The following GALNT17 variants were observed in gnomAD, a reference collection of about 807,000 sequenced individuals.
GALNT17 encodes UDP-GalNAc:polypeptide N-acetylgalactosaminyltransferase-like 3.
GALNT17 carries 29 observed loss-of-function variants against 63.7 expected under a neutral mutation model. That is an observed-to-expected ratio of 0.46 (90% CI 0.34 to 0.62). The LOEUF (loss-of-function observed/expected upper bound fraction) is 0.62. Among genes scored for constraint, GALNT17 ranks in the 20% least tolerant of loss-of-function variants. The pLI is 0.01. For synonymous variants in GALNT17, 305 were observed against 318.3 expected (o/e 0.96, Z 0.45); for missense variants, 603 against 799.6 (o/e 0.75, Z 2.97).
chr7:71,295,132 T>TTCTAA (rs1453529054), intron 1 of GALNT17, among the ~76,000 whole-genome samples: 3 of 152,220 alleles, frequency 2.0e-5, no homozygotes, highest in Non-Finnish European at 4.4e-5. Flanking sequence ...ATGGTAATTC[T>TTCTAA]TCTAAGTTCT....
intron 1 of GALNT17, chr7:71,300,489 G>A (rs1017711542): frequency 6.7e-6 from 3 of 445,144 alleles, no homozygotes; most frequent in African/African-American, 6.1e-5. Flanking sequence ...GCTTGGACAG[G>A]ATAACAAATG....
intron 5 of GALNT17, among the ~76,000 whole-genome samples, chr7:71,463,559 G>C (rs541316139): frequency 2.0e-5 from 3 of 152,160 alleles, no homozygotes; most frequent in African/African-American, 4.8e-5. Context: ...TGAAAAAAAG[G>C]CTACTCCATA....
intron 6 of GALNT17, among the ~76,000 whole-genome samples, chr7:71,627,284 G>T (rs1440506507): frequency 6.6e-6 from 1 of 152,192 alleles, no homozygotes; most frequent in Admixed American, 6.5e-5. Context: ...AGATGGGTTT[G>T]CTATGCTAGG....
intron 1 of GALNT17, among the ~76,000 whole-genome samples, chr7:71,201,822 G>C (rs57616671): frequency 0.13 from 19,369 of 151,896 alleles, 1,505 homozygotes; most frequent in African/African-American, 0.21. Context: ...TAGTAGAGAC[G>C]GGGTTTCACC....
intron 1 of GALNT17, among the ~76,000 whole-genome samples, chr7:71,323,860 G>C (rs1157369522): frequency 6.6e-6 from 1 of 152,202 alleles, no homozygotes; most frequent in Non-Finnish European, 1.5e-5. Context: ...ATGCCTTCCT[G>C]TTCACAAGAG....
chr7:71,632,516 C>A (rs1299160121), intron 6 of GALNT17, among the ~76,000 whole-genome samples: 1 of 152,152 alleles, frequency 6.6e-6, no homozygotes. Flanking sequence ...ATATCTACGA[C>A]CAAGCTCAAA....
chr7:71,632,361 G>A (rs1790464699), intron 6 of GALNT17, among the ~76,000 whole-genome samples: 1 of 152,176 alleles, frequency 6.6e-6, no homozygotes. Context: ...CTGTGATATG[G>A]ATGGGATTCC....
intron 6 of GALNT17, among the ~76,000 whole-genome samples, chr7:71,650,014 G>A (rs1790732904): frequency 6.6e-6 from 1 of 152,228 alleles, no homozygotes; most frequent in Admixed American, 6.5e-5. Context: ...ATGTGCAGAT[G>A]TGCAGTTTAG....
intron 6 of GALNT17, among the ~76,000 whole-genome samples, chr7:71,616,736 TTTACA>T (rs1790210223): frequency 8.5e-6 from 1 of 117,314 alleles, no homozygotes; most frequent in South Asian, 3.2e-4. Flanking sequence ...TTACAATTTG[TTTACA>T]TTATATATTA....
chr7:71,562,747 T>A (rs1789276537), intron 5 of GALNT17, among the ~76,000 whole-genome samples: 1 of 152,164 alleles, frequency 6.6e-6, no homozygotes, highest in East Asian at 1.9e-4. Context: ...GGCCATCAAC[T>A]GGTGCTGGTC....
At chr7:71,455,504 TTG>T (rs1787338602) in intron 5 of GALNT17, among the ~76,000 whole-genome samples, 1 of 70,636 alleles carries the variant, frequency 1.4e-5, no homozygotes, top group East Asian at 2.3e-4. Flanking sequence ...TTTTTTGTTT[TTG>T]TTTTTTTTTT....
At chr7:71,560,399 G>C (rs910794472) in intron 5 of GALNT17, among the ~76,000 whole-genome samples, 3 of 152,160 alleles carry the variant, frequency 2.0e-5, no homozygotes, top group Admixed American at 2.0e-4. Context: ...GGAGTAACAA[G>C]CAACTCCCCA....
chr7:71,682,352 C>G (rs896804373), intron 9 of GALNT17, among the ~76,000 whole-genome samples: 3 of 108,026 alleles, frequency 2.8e-5, no homozygotes, highest in African/African-American at 8.5e-5. Flanking sequence ...TCTTTAACAC[C>G]TTTGTGATGC....
intron 1 of GALNT17, among the ~76,000 whole-genome samples, chr7:71,248,910 C>G (rs1166638759): frequency 2.6e-5 from 4 of 152,170 alleles, no homozygotes; most frequent in Non-Finnish European, 5.9e-5. Context: ...TTAACCACCT[C>G]TTTGTACCAT....
intron 1 of GALNT17, among the ~76,000 whole-genome samples, chr7:71,146,630 A>G (rs1017047826): frequency 2.4e-4 from 37 of 151,564 alleles, no homozygotes; most frequent in South Asian, 8.3e-4. Flanking sequence ...CCTCCCTTCC[A>G]CAGCACTTAG....
At chr7:71,552,341 G>C (rs147720714) in intron 5 of GALNT17, among the ~76,000 whole-genome samples, 1 of 151,886 alleles carries the variant, frequency 6.6e-6, no homozygotes, top group Admixed American at 6.6e-5. Flanking sequence ...TGCTGTGCCT[G>C]GCATATAGCA....
chr7:71,612,051 C>A (rs776821005), intron 6 of GALNT17, among the ~76,000 whole-genome samples: 1 of 152,148 alleles, frequency 6.6e-6, no homozygotes, highest in Non-Finnish European at 1.5e-5. Context: ...AAATAGATGT[C>A]TTTGTTCTTT....
At chr7:71,595,552 G>T (rs1789872515) in intron 6 of GALNT17, among the ~76,000 whole-genome samples, 1 of 151,950 alleles carries the variant, frequency 6.6e-6, no homozygotes, top group African/African-American at 2.4e-5. Flanking sequence ...ATTTCTTTCT[G>T]TGTATCTACA....
intron 5 of GALNT17, among the ~76,000 whole-genome samples, chr7:71,470,568 A>G (rs1186642794): frequency 6.6e-6 from 1 of 152,068 alleles, no homozygotes; most frequent in Admixed American, 6.5e-5. Flanking sequence ...AGATTGATCC[A>G]AGTGGAAGGA....
Sources: allele counts gnomAD v4.1 joint callset (sites outside exome capture counted in the v4.1 genomes callset), GRCh38; gene constraint gnomAD v4.1.1; transcripts MANE v1.5; gene names NCBI Gene and HGNC (gene_info 2026-07-23, HGNC 2026-07-21).